SNX29: variants seen among roughly 807,000 people sequenced by gnomAD.
The protein encoded by SNX29 is sorting nexin 29.
SNX29 carries 78 observed loss-of-function variants against 102.1 expected under a neutral mutation model. The observed-to-expected ratio is 0.76, with a 90% CI of 0.64 to 0.92. SNX29 has a LOEUF of 0.92. Among genes scored for constraint, SNX29 ranks in the 40% least tolerant of loss-of-function variants. The pLI is 0.00. For synonymous variants in SNX29, 580 were observed against 414.5 expected, an observed-to-expected ratio of 1.40 and a Z score of -4.85; for missense variants, 1,280 against 1,061.7, an observed-to-expected ratio of 1.21 and a Z score of -2.86.
At chr16:12,077,386 G>GGTGTGTGTGT (rs60621681) in intron 10 of SNX29, among the ~76,000 whole-genome samples, 19 of 142,880 alleles carry the variant, frequency 1.3e-4, no homozygotes, top group South Asian at 4.5e-4. Context: ...TCCTAGTCAT[G>GGTGTGTGTGT]GTGTGTGTGT....
chr16:12,439,257 A>G (rs561157428), intron 18 of SNX29, among the ~76,000 whole-genome samples: 186 of 93,598 alleles, frequency 2.0e-3, no homozygotes, highest in African/African-American at 7.1e-3. Context: ...CTGCATGTCT[A>G]CCATGACCTG....
chr16:12,542,265 GA>G (rs1242350084), intron 20 of SNX29, among the ~76,000 whole-genome samples: 1 of 118,468 alleles, frequency 8.4e-6, no homozygotes, highest in African/African-American at 2.7e-5. Context: ...TGAGGAAATT[GA>G]GGCATGGAGA....
chr16:12,018,341 G>C (rs1034481143), intron 3 of SNX29, among the ~76,000 whole-genome samples: 8 of 151,844 alleles, frequency 5.3e-5, no homozygotes, highest in Non-Finnish European at 7.4e-5. Context: ...ACTTTGGGAG[G>C]CCAAGGCAGG....
intron 4 of SNX29, among the ~76,000 whole-genome samples, chr16:12,028,199 G>T (rs1462984672): frequency 6.6e-6 from 1 of 152,130 alleles, no homozygotes; most frequent in Non-Finnish European, 1.5e-5. Context: ...AAAATGTGCT[G>T]TCTTTGGCTG....
At chr16:12,068,678 G>C (rs1334667586) in intron 9 of SNX29, among the ~76,000 whole-genome samples, 1 of 152,122 alleles carries the variant, frequency 6.6e-6, no homozygotes, top group Non-Finnish European at 1.5e-5. Context: ...CCGAGTAGTT[G>C]GGATTACAGT....
chr16:12,554,964 G>GT (rs2078234620), intron 20 of SNX29, among the ~76,000 whole-genome samples: 1 of 151,882 alleles, frequency 6.6e-6, no homozygotes, highest in African/African-American at 2.4e-5. Flanking sequence ...AATGGAGGTG[G>GT]TGAGGGGGGT....
rs563608453 is a variant in SNX29, at chr16:12,116,655, C to T, written c.1403-9978C>T. 7.9e-5 allele frequency among the ~76,000 whole-genome samples: 12 copies of T among 152,266 alleles called. No homozygotes were observed. The South Asian group carries it at 8.3e-4, about 11-fold the overall frequency. On this transcript the variant is annotated intron_variant, in intron 11 of 20. Transcript: ENST00000566228. Reference sequence around the variant, plus strand: ...CGCCACCATACTCCAGCCTGGGCCACGGAGTGAGACTCCTTCTCAAAAAAA... The same window carrying T: ...CGCCACCATACTCCAGCCTGGGCCATGGAGTGAGACTCCTTCTCAAAAAAA...
intron 15 of SNX29, among the ~76,000 whole-genome samples, chr16:12,288,560 T>A (rs925664465): frequency 6.6e-6 from 1 of 152,034 alleles, no homozygotes; most frequent in Admixed American, 6.5e-5. Context: ...TTGAATTCTT[T>A]CCTGGACAAA....
At chr16:12,267,652 G>C (rs1331088382) in intron 14 of SNX29, among the ~76,000 whole-genome samples, 2 of 152,232 alleles carry the variant, frequency 1.3e-5, no homozygotes, top group Non-Finnish European at 2.9e-5. Context: ...TGTCCGGAAA[G>C]AGCAGCGCCT....
chr16:12,572,566 G>A lies in SNX29; in HGVS notation c.*3937G>A. The A allele has an allele frequency of 9.4e-7, 1 of 1,064,052 alleles. No homozygotes were observed. The highest frequency in any genetic ancestry group is 1.1e-6 in the Non-Finnish European group (1 of 878,438). 65.9% of individuals were successfully genotyped at this position (1,064,052 alleles called of 1,614,324 possible). A position where few individuals can be genotyped will look rare whatever the true frequency, so the allele number is the denominator to read the frequency against. On this transcript the variant is annotated 3_prime_UTR_variant, in exon 21 of 21. Transcript: ENST00000566228. ...GACACCATCTGGCTCCTCACAGGGA[G>A]GTCCAGCCATGTTCTCTGGGCTCCC...
chr16:12,490,835 G>T (rs1056676397), intron 19 of SNX29, among the ~76,000 whole-genome samples: 3 of 152,200 alleles, frequency 2.0e-5, no homozygotes, highest in African/African-American at 7.2e-5. Context: ...GAACACACAC[G>T]TATAACCATC....
At chr16:12,263,132 CTT>C (rs541154463) in intron 14 of SNX29, among the ~76,000 whole-genome samples, 33 of 138,216 alleles carry the variant, frequency 2.4e-4, no homozygotes, top group Non-Finnish European at 2.4e-4. Flanking sequence ...TGTTGTCCAC[CTT>C]TTTTTTTTTT....
intron 1 of SNX29, among the ~76,000 whole-genome samples, chr16:11,985,561 G>T (rs374146): frequency 0.76 from 115,053 of 152,126 alleles, 44,542 homozygotes; most frequent in Non-Finnish European, 0.84. Context: ...ACAGGCAGCC[G>T]CTCCTCCATG....
In SNX29 at chr16:12,126,680, C is replaced by T. The variant is rs753208569; in HGVS notation, c.1450C>T (p.Leu484=). 1.2e-6 allele frequency: 2 copies of T among 1,613,868 alleles called. No individual in the cohort carries two copies. Residue 484 remains leucine, a synonymous_variant, in exon 12 of 21, where the codon CTG becomes TTG. Transcript: ENST00000566228. ...GGCCATGATGAACAGGAAGGATGAG[C>T]TGGAGGAGGAGAACAGGTACCGTGA... ...TVAMMNRKDE[L]EEENRSLRNL...
chr16:12,241,489 T>G (rs1449640641), intron 14 of SNX29, among the ~76,000 whole-genome samples: 2 of 151,910 alleles, frequency 1.3e-5, no homozygotes, highest in African/African-American at 4.8e-5. Flanking sequence ...AGATGGAGTC[T>G]CTCTCTGTTG....
At chr16:12,301,458 G>T (rs149868612) in intron 15 of SNX29, among the ~76,000 whole-genome samples, 143 of 152,320 alleles carry the variant, frequency 9.4e-4, no homozygotes, top group African/African-American at 3.4e-3. Flanking sequence ...CACATGGCTG[G>T]CTTCGTGTCC....
intron 20 of SNX29, among the ~76,000 whole-genome samples, chr16:12,548,050 C>G (rs1029471191): frequency 6.6e-6 from 1 of 152,138 alleles, no homozygotes; most frequent in African/African-American, 2.4e-5. Flanking sequence ...AAGCACCACC[C>G]CTGGCACACA....
At chr16:12,391,343 C>G (rs557308048) in intron 16 of SNX29, among the ~76,000 whole-genome samples, 31 of 152,328 alleles carry the variant, frequency 2.0e-4, no homozygotes, top group Middle Eastern at 3.4e-3. Flanking sequence ...GGGTACTCTT[C>G]TCTGATCCCT....
At chr16:12,494,612 C>G (rs1451422187) in intron 19 of SNX29, among the ~76,000 whole-genome samples, 4 of 152,208 alleles carry the variant, frequency 2.6e-5, no homozygotes, top group African/African-American at 9.6e-5. Flanking sequence ...ATCTTCTCTA[C>G]CAGCTCACAG....
Sources: gnomAD v4.1 joint callset for allele counts (sites outside exome capture counted in the v4.1 genomes callset) on GRCh38, gnomAD v4.1.1 for gene constraint, MANE v1.5 for transcripts, NCBI Gene and HGNC (gene_info 2026-07-23, HGNC 2026-07-21) for gene names.